CDH4: variants seen among roughly 807,000 people sequenced by gnomAD.
CDH4 encodes cadherin-4.
In CDH4, 33 loss-of-function variants were observed where a neutral mutation model predicts 86.0. The observed-to-expected ratio is 0.38, with a 90% CI of 0.29 to 0.51. The LOEUF is 0.51. CDH4 is among the 20% of genes least tolerant of loss of function. CDH4 has a pLI of 0.86. For missense variants in CDH4, 1,114 were observed against 1,307.4 expected, an observed-to-expected ratio of 0.85 and a Z score of 2.28; for synonymous variants, 555 against 549.4, an observed-to-expected ratio of 1.01 and a Z score of -0.14.
At chr20:61,848,610 C>T (rs1982571761) in intron 5 of CDH4, among the ~76,000 whole-genome samples, 1 of 152,310 alleles carries the variant, frequency 6.6e-6, no homozygotes, top group Non-Finnish European at 1.5e-5. Context: ...ACTGCAACCT[C>T]CGCCTCACAG....
intron 6 of CDH4, among the ~76,000 whole-genome samples, chr20:61,869,347 G>C (rs992827384): frequency 6.6e-6 from 1 of 152,224 alleles, no homozygotes; most frequent in African/African-American, 2.4e-5. Flanking sequence ...ATTGCTGGAC[G>C]CATCCTCTCA....
intron 2 of CDH4, among the ~76,000 whole-genome samples, chr20:61,725,746 G>T (rs2088102875): frequency 6.6e-6 from 1 of 151,976 alleles, no homozygotes; most frequent in Non-Finnish European, 1.5e-5. Context: ...GGGGGGAGGA[G>T]GCCAGAGGTG....
intron 3 of CDH4, among the ~76,000 whole-genome samples, chr20:61,755,564 C>T (rs867331091): frequency 6.1e-5 from 9 of 148,364 alleles, no homozygotes; most frequent in African/African-American, 2.3e-4. Flanking sequence ...CACACCCACA[C>T]ACATGCCCCA....
At chr20:61,712,245 C>T (rs934622995) in intron 2 of CDH4, among the ~76,000 whole-genome samples, 2 of 152,148 alleles carry the variant, frequency 1.3e-5, no homozygotes, top group African/African-American at 4.8e-5. Context: ...GTCCTGTGGG[C>T]CTTGGGGCCT....
At chr20:61,563,874 G>A (rs761576292) in intron 2 of CDH4, among the ~76,000 whole-genome samples, 6 of 152,184 alleles carry the variant, frequency 3.9e-5, no homozygotes, top group Admixed American at 1.3e-4. Flanking sequence ...TGCACCTGTT[G>A]TATTAACAGG....
intron 2 of CDH4, among the ~76,000 whole-genome samples, chr20:61,560,260 TTA>T (rs1359366945): frequency 6.6e-6 from 1 of 152,196 alleles, no homozygotes; most frequent in African/African-American, 2.4e-5. Context: ...ACGTGACTTT[TTA>T]AATTGCTATT....
chr20:61,339,901 C>T (rs984705459), intron 2 of CDH4, among the ~76,000 whole-genome samples: 5 of 152,092 alleles, frequency 3.3e-5, no homozygotes, highest in African/African-American at 1.2e-4. Context: ...TTAGAATGTT[C>T]GAAGGGAACA....
At position 61,585,997 on chromosome 20, in the gene CDH4, A is replaced by G. The variant is rs201931322; in HGVS notation, c.170-157566A>G. Among the ~76,000 whole-genome samples the G allele has an allele frequency of 2.7e-3, 367 of 136,916 alleles. 1 individual carries two copies. Among genetic ancestry groups the G allele is most frequent in the African/African-American group, 9.7e-3 (346 of 35,536 alleles). The allele number at this position is 136,916 out of a possible 152,430, so 89.8% of individuals were successfully genotyped here. A position where few individuals can be genotyped will look rare whatever the true frequency, so the allele number is the denominator to read the frequency against. ...TGATGTGATGATGATGGTGATGATG[A>G]TGATGGTGATGGTGATTGTGATGGT... On this transcript the variant is annotated intron_variant, in intron 2 of 15. Transcript: ENST00000614565.
intron 7 of CDH4, among the ~76,000 whole-genome samples, chr20:61,875,109 C>T (rs1038048854): frequency 1.3e-5 from 2 of 152,172 alleles, no homozygotes; most frequent in African/African-American, 4.8e-5. Context: ...AGGTTTGGGG[C>T]TGTGGGACCC....
At chr20:61,817,736 A>G (rs1980799211) in intron 4 of CDH4, among the ~76,000 whole-genome samples, 1 of 152,232 alleles carries the variant, frequency 6.6e-6, no homozygotes, top group East Asian at 1.9e-4. Context: ...ACAGTGGGTC[A>G]GCAAGGTCCG....
At chr20:61,627,076 G>A (rs1446198224) in intron 2 of CDH4, among the ~76,000 whole-genome samples, 1 of 152,140 alleles carries the variant, frequency 6.6e-6, no homozygotes, top group Non-Finnish European at 1.5e-5. Flanking sequence ...TTGGAGGAGG[G>A]TGGGTGGGTG....
chr20:61,882,978 C>T (rs1056395770), intron 7 of CDH4, among the ~76,000 whole-genome samples: 15 of 152,334 alleles, frequency 9.8e-5, no homozygotes, highest in Admixed American at 4.6e-4. Context: ...GCTCTGTCCA[C>T]GCCCAGAAGC....
chr20:61,260,097 C>T (rs1436124389), intron 2 of CDH4, among the ~76,000 whole-genome samples: 1 of 152,208 alleles, frequency 6.6e-6, no homozygotes, highest in African/African-American at 2.4e-5. Context: ...TCACATGCAG[C>T]CTCGTGCATT....
At chr20:61,515,893 G>A (rs570381141) in intron 2 of CDH4, among the ~76,000 whole-genome samples, 2 of 152,120 alleles carry the variant, frequency 1.3e-5, no homozygotes, top group South Asian at 2.1e-4. Context: ...TGTTTCCCGC[G>A]TGGCTTGCCC....
chr20:61,258,336 AAAAAAAAAAG>A (rs1235051706), intron 2 of CDH4, among the ~76,000 whole-genome samples: 20 of 140,262 alleles, frequency 1.4e-4, no homozygotes, highest in African/African-American at 3.8e-4. Context: ...TCTCAAAAAA[AAAAAAAAAAG>A]AAAAAAAAAA....
At chr20:61,390,707 C>T (rs577450661) in intron 2 of CDH4, among the ~76,000 whole-genome samples, 1 of 151,006 alleles carries the variant, frequency 6.6e-6, no homozygotes. Context: ...CCCATAGCAC[C>T]GTGTCTGGGA....
rs1306296473 is a variant in CDH4, at chr20:61,545,917, G to T, written c.170-197646G>T. On this transcript the variant is annotated intron_variant, in intron 2 of 15. Coordinates refer to ENST00000614565, the MANE Select transcript of CDH4 (RefSeq NM_001794.5). ...TTCGTATGTGTGTGTGTGGAGGGGT[G>T]TGTGTGCATGTGTGGAGGGGGTATG... Among the ~76,000 whole-genome samples, 23 of 147,512 alleles carry T rather than the reference G, an allele frequency of 1.6e-4. 1 individual carries two copies. Among genetic ancestry groups the T allele is most frequent in the Admixed American group, 3.4e-4 (5 of 14,884 alleles).
At chr20:61,873,635 A>G in intron 6 of CDH4, 93 bp from the exon 7 acceptor site, 1 of 1,359,654 alleles carries the variant, frequency 7.4e-7, no homozygotes, top group South Asian at 1.3e-5. Flanking sequence ...ACTCACGGAG[A>G]GCTCTGTGGT....
Position 61,928,215 on chromosome 20 carries a change from G to T in CDH4, c.1797G>T (p.Gly599=), listed in dbSNP as rs111983852. The change falls in exon 12 of 16, where the codon GGG becomes GGT. Residue 599 remains glycine (G), a synonymous_variant. Coordinates refer to ENST00000614565, the MANE Select transcript of CDH4 (RefSeq NM_001794.5). Reference sequence around the variant, plus strand: ...GGATACCCCCGGCCAGCGGCACCGGGACCCTCCAGATCTATCTCATTGACA... The same window carrying T: ...GGATACCCCCGGCCAGCGGCACCGGTACCCTCCAGATCTATCTCATTGACA... ...DNGIPPASGT[G]TLQIYLIDIN... 1.6e-5 allele frequency: 26 copies of T among 1,602,592 alleles called. No individual in the cohort carries two copies. In the African/African-American group the frequency reaches 2.1e-4, roughly 13 times the overall value.
Sources: allele counts gnomAD v4.1 joint callset (sites outside exome capture counted in the v4.1 genomes callset), GRCh38; gene constraint gnomAD v4.1.1; transcripts MANE v1.5; gene names NCBI Gene and HGNC (gene_info 2026-07-23, HGNC 2026-07-21).